Variants in PLLP observed in about 807,000 individuals in gnomAD.
PLLP encodes plasma membrane proteolipid (plasmolipin).
A neutral mutation model predicts 19.7 loss-of-function variants in PLLP; 15 were observed. The observed-to-expected ratio is 0.76, with a 90% confidence interval of 0.51 to 1.17. PLLP has a LOEUF of 1.17. Ranked by LOEUF, PLLP falls within the 50% of genes most tolerant of loss-of-function variation. The probability of loss-of-function intolerance (pLI) is 0.00; values close to 1 mark genes in which losing one functional copy is unlikely to be tolerated. For synonymous variants in PLLP, 111 were observed against 116.3 expected (o/e 0.95, Z 0.29); for missense variants, 255 against 258.3 (o/e 0.99, Z 0.09).
Position 57,284,498 on chromosome 16 carries a change from G to A in PLLP, c.43C>T (p.Pro15Ser). 1 of 1,429,194 alleles carries A rather than the reference G, an allele frequency of 7.0e-7. No individual in the cohort carries two copies. The highest frequency in any genetic ancestry group is 9.2e-7 in the Non-Finnish European group (1 of 1,082,788). 88.5% of individuals were successfully genotyped at this position (1,429,194 alleles called of 1,614,324 possible). ...PSKVSTRTSS[P>S]AQGAEASVSA... The stretch of plus-strand genomic sequence containing the variant: ...ACCGAGGCTTCGGCGCCCTGCGCAG[G>A]ACTGCTGGTCCGCGTGCTAACTTTC... The change falls in exon 1 of 4, where the codon CCT (proline) becomes TCT (serine). Residue 15 changes from proline (P) to serine (S), a missense_variant. Physicochemically the swap from Pro to Ser is moderately conservative, Grantham distance 74. Transcript: ENST00000219207.
chr16:57,281,622 C>T (rs1479577920), intron 1 of PLLP, among the ~76,000 whole-genome samples: 7 of 150,670 alleles, frequency 4.6e-5, no homozygotes, highest in African/African-American at 7.3e-5. Flanking sequence ...GCCATTCTCC[C>T]GCCTCAGCCT....
chr16:57,256,705 G>T lies in PLLP; in HGVS notation c.*208C>A. 3 of 563,222 alleles carry T rather than the reference G, an allele frequency of 5.3e-6. No homozygotes were observed. The South Asian group carries it at 7.0e-5, about 13-fold the overall frequency. The allele number at this position is 563,222 out of a possible 1,614,324, so 34.9% of individuals were successfully genotyped here. A position where few individuals can be genotyped will look rare whatever the true frequency, so the allele number is the denominator to read the frequency against. On this transcript the variant is annotated 3_prime_UTR_variant, in exon 4 of 4. Coordinates refer to ENST00000219207, the MANE Select transcript of PLLP (RefSeq NM_015993.3). ...GGGGGATGGAGAAGAGGTCTCAGCA[G>T]TTGGCCTCCTGCAAGCCGAGATGCC...
At chr16:57,269,302 CCCT>C (rs2075467156) in intron 1 of PLLP, among the ~76,000 whole-genome samples, 1 of 152,314 alleles carries the variant, frequency 6.6e-6, no homozygotes, top group South Asian at 2.1e-4. Flanking sequence ...ACTCTTTTCA[CCCT>C]CCTCACTTCC....
chr16:57,272,878 G>A (rs1321798465), intron 1 of PLLP, among the ~76,000 whole-genome samples: 6 of 150,710 alleles, frequency 4.0e-5, no homozygotes, highest in African/African-American at 7.3e-5. Context: ...GATCATGTGA[G>A]CCCAGGAGGT....
intron 1 of PLLP, among the ~76,000 whole-genome samples, chr16:57,275,243 A>T (rs1326498182): frequency 6.6e-6 from 1 of 151,946 alleles, no homozygotes; most frequent in Non-Finnish European, 1.5e-5. Flanking sequence ...GAGATTGTCC[A>T]TCCTTATACA....
intron 2 of PLLP, among the ~76,000 whole-genome samples, chr16:57,260,833 C>T (rs1474399231): frequency 6.6e-6 from 1 of 152,360 alleles, no homozygotes; most frequent in East Asian, 1.9e-4. Context: ...CACCTGCAGG[C>T]AGCCAGGTGC....
At chr16:57,281,517 C>CTTT (rs771314004) in intron 1 of PLLP, among the ~76,000 whole-genome samples, 2 of 130,142 alleles carry the variant, frequency 1.5e-5, no homozygotes, top group East Asian at 2.3e-4. Context: ...TTTTTTATTT[C>CTTT]TTTTTTTTTT....
intron 2 of PLLP, among the ~76,000 whole-genome samples, chr16:57,260,682 C>A (rs753996572): frequency 2.0e-5 from 3 of 152,058 alleles, no homozygotes; most frequent in Non-Finnish European, 4.4e-5. Flanking sequence ...AGGGGTTTTC[C>A]GGGTCAGAGG....
chr16:57,284,392 G>A lies in PLLP; in HGVS notation c.135+14C>T. 7.2e-7 allele frequency: 1 copy of A among 1,379,338 alleles called. No individual in the cohort carries two copies. The highest frequency in any genetic ancestry group is 9.4e-7 in the Non-Finnish European group (1 of 1,064,234). 85.4% of individuals were successfully genotyped at this position (1,379,338 alleles called of 1,614,324 possible). On this transcript the variant is annotated intron_variant, in intron 1 of 3. Coordinates refer to ENST00000219207, the MANE Select transcript of PLLP (RefSeq NM_015993.3). ...AGCCCCCGGCCAACCCCGTGGGCCC[G>A]CGCGTGCTCTCACCAGCTGCAGCAG...
chr16:57,275,650 A>AAC lies in PLLP; in HGVS notation c.135+8755_135+8756insGT, dbSNP rs1308148772. The stretch of plus-strand genomic sequence containing the variant: ...ACAAAATTTTGCAAGGCAAAAAAAA[A>AAC]AAAAAAAAAAACACCATGAGAGGGG... On this transcript the variant is annotated intron_variant, in intron 1 of 3. Transcript: ENST00000219207. Among the ~76,000 whole-genome samples the AAC allele has an allele frequency of 7.5e-4, 112 of 150,218 alleles. 1 individual carries two copies. The highest frequency in any genetic ancestry group is 2.3e-3 in the Admixed American group (34 of 15,058).
In PLLP at chr16:57,256,947, G is replaced by A. The variant is rs144434349; in HGVS notation, c.515C>T (p.Ala172Val). 1.7e-5 allele frequency: 27 copies of A among 1,613,262 alleles called. No individual in the cohort carries two copies. Among genetic ancestry groups the A allele is most frequent in the African/African-American group, 1.3e-4 (10 of 74,924 alleles). ...GCCGCCAGCCATCTGACTGGTGGCC[G>A]CATTGCTGCCTACTCCTCGCCAGGC... The part of the protein sequence containing the change: ...YQAWRGVGSN[A>V]ATSQMAGGYA The change falls in exon 4 of 4, where the codon GCG (alanine) becomes GTG (valine). Residue 172 changes from alanine to valine, a missense_variant. By Grantham distance (64) the Ala-to-Val change is moderately conservative. Coordinates refer to ENST00000219207, the MANE Select transcript of PLLP (RefSeq NM_015993.3).
intron 1 of PLLP, among the ~76,000 whole-genome samples, chr16:57,279,288 G>A (rs1198159230): frequency 6.6e-6 from 1 of 151,890 alleles, no homozygotes; most frequent in Non-Finnish European, 1.5e-5. Flanking sequence ...GTCCAGGCCT[G>A]TGTTCCCATC....
intron 1 of PLLP, among the ~76,000 whole-genome samples, chr16:57,272,453 T>C (rs2075478884): frequency 6.6e-6 from 1 of 152,178 alleles, no homozygotes; most frequent in Non-Finnish European, 1.5e-5. Flanking sequence ...CATCGGCCCC[T>C]CCAGAGAAAG....
intron 1 of PLLP, among the ~76,000 whole-genome samples, chr16:57,278,464 A>G (rs1489804924): frequency 2.0e-5 from 3 of 152,248 alleles, no homozygotes; most frequent in Non-Finnish European, 2.9e-5. Context: ...CCCCTTAGGG[A>G]CAGAGGTGGG....
chr16:57,267,607 G>T (rs1018325244), intron 1 of PLLP, among the ~76,000 whole-genome samples: 62 of 151,680 alleles, frequency 4.1e-4, no homozygotes, highest in African/African-American at 1.4e-3. Flanking sequence ...GCCTGGCATG[G>T]TGGATCATAC....
At chr16:57,281,708 T>G (rs1298806885) in intron 1 of PLLP, among the ~76,000 whole-genome samples, 1 of 152,036 alleles carries the variant, frequency 6.6e-6, no homozygotes, top group African/African-American at 2.4e-5. Context: ...AGATGGGGTT[T>G]CACCCTGTTA....
chr16:57,271,504 G>A (rs2075475250), intron 1 of PLLP, among the ~76,000 whole-genome samples: 1 of 152,118 alleles, frequency 6.6e-6, no homozygotes, highest in South Asian at 2.1e-4. Flanking sequence ...AGTTAGCTGG[G>A]CGTGGTGGTG....
rs772716880 is a variant in PLLP at position 57,256,871 on chromosome 16, A to G, written c.*42T>C. On this transcript the variant is annotated 3_prime_UTR_variant, in exon 4 of 4. Transcript: ENST00000219207. ...GCAGGGTGACCCTGCTCTGTGACCC[A>G]GCGGCGGCTTCAGCCCCAGAGGGGG... 2.2e-6 allele frequency: 3 copies of G among 1,355,678 alleles called. No individual in the cohort carries two copies. The South Asian group carries it at 3.5e-5, about 16-fold the overall frequency. 84.0% of individuals were successfully genotyped at this position (1,355,678 alleles called of 1,614,324 possible). A position where few individuals can be genotyped will look rare whatever the true frequency, so the allele number is the denominator to read the frequency against.
At chr16:57,274,835 C>G (rs1420142901) in intron 1 of PLLP, among the ~76,000 whole-genome samples, 2 of 151,966 alleles carry the variant, frequency 1.3e-5, no homozygotes, top group Admixed American at 1.3e-4. Context: ...GATCTTGTCT[C>G]ACTGCAAGCT....
Sources: allele counts gnomAD v4.1 joint callset (sites outside exome capture counted in the v4.1 genomes callset), GRCh38; gene constraint gnomAD v4.1.1; transcripts MANE v1.5; gene names NCBI Gene and HGNC (gene_info 2026-07-23, HGNC 2026-07-21).